Variants in USP37 observed in about 807,000 individuals in gnomAD.
The protein encoded by USP37 is ubiquitin carboxyl-terminal hydrolase 37.
Under a neutral mutation model 124.0 loss-of-function variants are expected in USP37, and 27 were observed. The observed-to-expected ratio is 0.22, with a 90% CI of 0.16 to 0.30. The LOEUF (loss-of-function observed/expected upper bound fraction) is 0.30, where lower values mean the gene tolerates loss of function less well. Ranked by LOEUF, USP37 falls within the 10% of genes least tolerant of loss-of-function variation. USP37 has a pLI of 1.00. For synonymous variants in USP37, 365 were observed against 388.0 expected, an observed-to-expected ratio of 0.94 and a Z score of 0.70; for missense variants, 889 against 1,140.4, an observed-to-expected ratio of 0.78 and a Z score of 3.17.
At position 218,466,079 on chromosome 2, in the gene USP37, C is replaced by T; in HGVS notation, c.2397G>A (p.Gln799=). ...CTTCCCTTTCACGCTCCATATCATA[C>T]TGCTGGAGCCAATCAACTTCTCCCT... The part of the protein sequence containing the change: ...GSQGEVDWLQ[Q]YDMEREREEQ... Residue 799 remains glutamine, a synonymous_variant, in exon 21 of 26, where the codon CAG becomes CAA. Transcript: ENST00000258399. 1.2e-6 allele frequency: 2 copies of T among 1,614,064 alleles called. No homozygotes were observed. Among genetic ancestry groups the T allele is most frequent in the African/African-American group, 1.3e-5 (1 of 75,050 alleles).
At chr2:218,529,926 T>C (rs1173647227) in intron 10 of USP37, 30 bp downstream of exon 10, 1 of 1,554,140 alleles carries the variant, frequency 6.4e-7, no homozygotes, top group Admixed American at 2.1e-5. Context: ...AACTCCTAAG[T>C]TTTTCACAAG....
intron 17 of USP37, among the ~76,000 whole-genome samples, chr2:218,480,687 TAG>T (rs1691225226): frequency 6.6e-6 from 1 of 152,196 alleles, no homozygotes; most frequent in African/African-American, 2.4e-5. Context: ...GTTTTTCTTA[TAG>T]ACAAGTCAAG....
chr2:218,532,377 A>G (rs1460770817), intron 9 of USP37, among the ~76,000 whole-genome samples: 1 of 151,570 alleles, frequency 6.6e-6, no homozygotes, highest in African/African-American at 2.4e-5. Flanking sequence ...GAGGCAGAAG[A>G]ATTGCTTGAA....
chr2:218,466,152 G>T lies in USP37; in HGVS notation c.2324C>A (p.Thr775Asn). 1 of 1,608,104 alleles carries T rather than the reference G, an allele frequency of 6.2e-7. No homozygotes were observed. Among genetic ancestry groups the T allele is most frequent in the Non-Finnish European group, 8.5e-7 (1 of 1,178,574 alleles). The change falls in exon 21 of 26, where the codon ACT becomes AAT. Residue 775 changes from threonine to asparagine, a missense_variant. Around this residue, in one of 3 missense-constraint regions of USP37, gnomAD observed 504 missense variants for 714.3 expected, o/e 0.71. Transcript: ENST00000258399. The stretch of plus-strand genomic sequence containing the variant: ...TTCTTTATTCTCATCACAGTCTTTA[G>T]TTATCTCAGTAAAACTGGCAGGATC... Reference protein sequence around the residue: ...ELDPASFTEITKDCDENKENK... With the variant: ...ELDPASFTEINKDCDENKENK...
intron 14 of USP37, among the ~76,000 whole-genome samples, chr2:218,490,090 G>A (rs767653230): frequency 2.7e-4 from 41 of 152,158 alleles, no homozygotes; most frequent in Non-Finnish European, 5.3e-4. Context: ...AATGGCTCAC[G>A]CCTGTAATCC....
In USP37 at chr2:218,540,907, C is replaced by T. The variant is rs984925725; in HGVS notation, c.680+5314G>A. On this transcript the variant is annotated intron_variant, in intron 8 of 25. Transcript: ENST00000258399. ...CTTTGCAGAATAGGAGGTACAATGA[C>T]AGCATATGACCACAAAGATCCACAG... 1.1e-4 allele frequency among the ~76,000 whole-genome samples: 16 copies of T among 152,088 alleles called. 1 individual carries two copies. The highest frequency in any genetic ancestry group is 8.5e-4 in the Admixed American group (13 of 15,266).
At chr2:218,551,050 T>A (rs1380112057) in intron 5 of USP37, among the ~76,000 whole-genome samples, 2 of 152,212 alleles carry the variant, frequency 1.3e-5, no homozygotes, top group African/African-American at 4.8e-5. Flanking sequence ...ACAATACTTT[T>A]ATCATTTTTT....
intron 22 of USP37, among the ~76,000 whole-genome samples, chr2:218,460,300 T>A (rs1689943458): frequency 1.3e-5 from 2 of 151,636 alleles, no homozygotes. Flanking sequence ...ACAGATATAA[T>A]TAGAAAGATA....
chr2:218,489,283 A>G (rs35945874), intron 14 of USP37, among the ~76,000 whole-genome samples: 96,579 of 146,594 alleles, frequency 0.66, 32,145 homozygotes, highest in East Asian at 0.89. Flanking sequence ...ACTTGAACCC[A>G]GGAGGCGGAG....
At chr2:218,544,073 C>T (rs1191866639) in intron 8 of USP37, among the ~76,000 whole-genome samples, 3 of 151,762 alleles carry the variant, frequency 2.0e-5, no homozygotes, top group Non-Finnish European at 4.4e-5. Context: ...TAGATTATTT[C>T]AAAATTAAAA....
intron 11 of USP37, among the ~76,000 whole-genome samples, chr2:218,507,701 G>C (rs918891918): frequency 2.0e-5 from 3 of 151,988 alleles, no homozygotes; most frequent in African/African-American, 7.2e-5. Flanking sequence ...GTGGAGGGAG[G>C]GGAAAAAGAG....
At chr2:218,537,645 G>C (rs747973395) in intron 8 of USP37, among the ~76,000 whole-genome samples, 16 of 152,180 alleles carry the variant, frequency 1.1e-4, no homozygotes, top group Non-Finnish European at 2.1e-4. Flanking sequence ...ATAAGATGTA[G>C]GTGATATCAG....
intron 8 of USP37, among the ~76,000 whole-genome samples, chr2:218,538,706 T>A (rs1210213955): frequency 6.6e-6 from 1 of 152,152 alleles, no homozygotes; most frequent in African/African-American, 2.4e-5. Flanking sequence ...GGGCATCCCT[T>A]GAGAAAACCA....
intron 10 of USP37, among the ~76,000 whole-genome samples, chr2:218,515,533 C>T (rs556947223): frequency 1.4e-4 from 22 of 152,130 alleles, no homozygotes; most frequent in East Asian, 1.2e-3. Context: ...TTACATCTTA[C>T]GAAAAAATTA....
At chr2:218,543,076 C>CTA (rs1285734961) in intron 8 of USP37, among the ~76,000 whole-genome samples, 1 of 152,142 alleles carries the variant, frequency 6.6e-6, no homozygotes, top group African/African-American at 2.4e-5. Flanking sequence ...CTCACTGAAC[C>CTA]TATAGCTCTA....
intron 24 of USP37, among the ~76,000 whole-genome samples, chr2:218,456,041 A>C (rs980809031): frequency 6.6e-6 from 1 of 151,446 alleles, no homozygotes; most frequent in East Asian, 2.0e-4. Flanking sequence ...GTGAGACTCC[A>C]TCTCAAAAAA....
At position 218,455,770 on chromosome 2, in the gene USP37, G is replaced by A. The variant is rs753945901; in HGVS notation, c.2714-52C>T. ...AGGTTTTTAAAAACACACCGAAGCT[G>A]GGCGCGATGGCTCACGCCTGTAATC... On this transcript the variant is annotated intron_variant, in intron 24 of 25. Transcript: ENST00000258399. 3 of 1,581,698 alleles carry A rather than the reference G, an allele frequency of 1.9e-6. No homozygotes were observed. In the African/African-American group the frequency reaches 4.1e-5, roughly 21 times the overall value.
In USP37 at chr2:218,511,305, C is replaced by T. The variant is rs116539984; in HGVS notation, c.864-1165G>A. On this transcript the variant is annotated intron_variant, in intron 10 of 25. Coordinates refer to ENST00000258399, the MANE Select transcript of USP37 (RefSeq NM_020935.3). ...GGATTATAGGTGTGTAACACCATGC[C>T]CAGCTAATTTTCTTTTTTTTGAGAT... 9.4e-3 allele frequency among the ~76,000 whole-genome samples: 1,436 copies of T among 152,026 alleles called. 22 individuals carry two copies. Among genetic ancestry groups the T allele is most frequent in the African/African-American group, 0.033 (1,371 of 41,486 alleles).
intron 19 of USP37, 59 bp downstream of exon 19, chr2:218,476,781 G>A: frequency 6.6e-7 from 1 of 1,513,938 alleles, no homozygotes; most frequent in Non-Finnish European, 8.8e-7. Flanking sequence ...AAAGACATTT[G>A]TTTGGACAGT....
Sources: gnomAD v4.1 joint callset for allele counts (sites outside exome capture counted in the v4.1 genomes callset) on GRCh38, gnomAD v4.1.1 for gene constraint, gnomAD v4.1.1 regional missense constraint, MANE v1.5 for transcripts, NCBI Gene and HGNC (gene_info 2026-07-23, HGNC 2026-07-21) for gene names.